ECT2: variants seen among roughly 807,000 people sequenced by gnomAD.
ECT2 encodes the protein epithelial cell transforming 2.
In ECT2, 61 loss-of-function variants were observed where a neutral mutation model predicts 116.9. The observed-to-expected ratio is 0.52, with a 90% CI of 0.42 to 0.65. The LOEUF (loss-of-function observed/expected upper bound fraction) is 0.65, where lower values mean the gene tolerates loss of function less well. Ranked by LOEUF, ECT2 falls within the 30% of genes least tolerant of loss-of-function variation. The probability of loss-of-function intolerance (pLI) is 0.00; values close to 1 mark genes in which losing one functional copy is unlikely to be tolerated. For missense variants in ECT2, 937 were observed against 1,078.7 expected (o/e 0.87, Z 1.84); for synonymous variants, 358 against 346.4 (o/e 1.03, Z -0.37).
intron 18 of ECT2, among the ~76,000 whole-genome samples, chr3:172,788,032 A>G (rs774913870): frequency 3.6e-4 from 55 of 152,186 alleles, no homozygotes; most frequent in Non-Finnish European, 1.2e-4. Context: ...CCCTACCCTA[A>G]GTGCCTTTCT....
At chr3:172,816,392 G>A (rs375106812) in intron 23 of ECT2, among the ~76,000 whole-genome samples, 1 of 152,020 alleles carries the variant, frequency 6.6e-6, no homozygotes, top group African/African-American at 2.4e-5. Context: ...GGAGGTTGAG[G>A]GGATTTTTGG....
chr3:172,827,706 T>C, the ECT2 span, among the ~76,000 whole-genome samples: 1 of 152,192 alleles, frequency 6.6e-6, no homozygotes, highest in Admixed American at 6.5e-5. Flanking sequence ...AAAGATGTAT[T>C]GTTCAGCAGC....
chr3:172,820,064 A>G, intron 24 of ECT2, 84 bp from the exon 25 acceptor site: 1 of 911,178 alleles, frequency 1.1e-6, no homozygotes, highest in South Asian at 2.2e-5. Flanking sequence ...AAAATGTAAA[A>G]ATAATAGGCA....
At chr3:172,829,074 T>C in the ECT2 span, 5 of 706,038 alleles carry the variant, frequency 7.1e-6, no homozygotes, top group Non-Finnish European at 1.3e-5. Flanking sequence ...ATGAACTCTC[T>C]GGGCTATTCA....
chr3:172,759,972 G>T (rs1014930195), intron 6 of ECT2, among the ~76,000 whole-genome samples, 184 bp from the exon 7 acceptor site: 1 of 152,168 alleles, frequency 6.6e-6, no homozygotes, highest in African/African-American at 2.4e-5. Context: ...AATTTTGCCT[G>T]TGTTAATAGG....
downstream of ECT2, among the ~76,000 whole-genome samples, chr3:172,825,964 G>A (rs1232978486): frequency 6.6e-6 from 1 of 152,210 alleles, no homozygotes; most frequent in Non-Finnish European, 1.5e-5. Flanking sequence ...CGCGATCTCG[G>A]CTCACTGCAA....
intron 8 of ECT2, 78 bp from the exon 9 acceptor site, chr3:172,762,338 C>T: frequency 7.1e-7 from 1 of 1,404,494 alleles, no homozygotes; most frequent in Non-Finnish European, 9.7e-7. Flanking sequence ...TTGAAAATTA[C>T]TGTAGGTTTG....
intron 8 of ECT2, 57 bp downstream of exon 8, chr3:172,761,740 A>G (rs1216477296): frequency 5.5e-6 from 7 of 1,263,748 alleles, no homozygotes; most frequent in Non-Finnish European, 7.9e-6. Flanking sequence ...TGGTTTAAAG[A>G]TAAATCCATG....
At chr3:172,754,129 TG>T (rs1716474861) in intron 1 of ECT2, among the ~76,000 whole-genome samples, 1 of 152,084 alleles carries the variant, frequency 6.6e-6, no homozygotes, top group Non-Finnish European at 1.5e-5. Flanking sequence ...CTCAGATTTT[TG>T]GCTAGGATTT....
At chr3:172,766,423 T>C (rs1242794849) in intron 12 of ECT2, among the ~76,000 whole-genome samples, 2 of 152,216 alleles carry the variant, frequency 1.3e-5, no homozygotes, top group Non-Finnish European at 2.9e-5. Flanking sequence ...ATTGATTGAA[T>C]AGATAATTCA....
In ECT2 at chr3:172,784,761, C is replaced by T. The variant is rs141355749; in HGVS notation, c.1783C>T (p.Arg595Ter). The T allele has an allele frequency of 5.6e-6, 9 of 1,613,156 alleles. No individual in the cohort carries two copies. Among genetic ancestry groups the T allele is most frequent in the Non-Finnish European group, 7.6e-6 (9 of 1,179,358 alleles). ...GRQSLVELLI[R>*]PVQRLPSVAL... is the part of the protein sequence containing the mutation. ...GCAGAGCCTTGTTGAACTTCTTATC[C>T]GACCAGTACAGAGGTTACCCAGTGT... Residue 595 changes from arginine (R) to a stop codon, truncating the protein, a stop_gained, in exon 17 of 25, where the codon CGA (arginine) becomes TGA (stop). Coordinates refer to ENST00000392692, the MANE Select transcript of ECT2 (RefSeq NM_001258315.2). LOFTEE classifies it high-confidence loss of function.
intron 18 of ECT2, among the ~76,000 whole-genome samples, chr3:172,801,037 A>G (rs369000651): frequency 1.3e-5 from 2 of 152,310 alleles, no homozygotes; most frequent in African/African-American, 4.8e-5. Flanking sequence ...AAAATGTTCA[A>G]TCTTTCTTGC....
chr3:172,792,451 C>CTT (rs34510739), intron 18 of ECT2, among the ~76,000 whole-genome samples: 64,165 of 143,176 alleles, frequency 0.45, 16,420 homozygotes, highest in East Asian at 0.68. Flanking sequence ...TTTTATCTGG[C>CTT]TTTTTTTTTT....
chr3:172,769,372 CAG>C (rs754540080), intron 13 of ECT2, among the ~76,000 whole-genome samples: 2 of 152,086 alleles, frequency 1.3e-5, no homozygotes, highest in Non-Finnish European at 2.9e-5. Context: ...TTAAAGAGAA[CAG>C]AACTCAGTAG....
At chr3:172,794,088 G>T (rs920519203) in intron 18 of ECT2, among the ~76,000 whole-genome samples, 8 of 151,862 alleles carry the variant, frequency 5.3e-5, no homozygotes. Flanking sequence ...AAAAATAAGA[G>T]TTCTAGATTT....
chr3:172,815,893 A>T (rs750909209), intron 23 of ECT2, among the ~76,000 whole-genome samples, 182 bp downstream of exon 23: 5 of 152,200 alleles, frequency 3.3e-5, no homozygotes, highest in Non-Finnish European at 7.3e-5. Context: ...CACAGTAACT[A>T]TAACTTGTTA....
chr3:172,807,764 C>T lies in ECT2; in HGVS notation c.2246-6C>T. The T allele has an allele frequency of 1.2e-6, 2 of 1,609,034 alleles. No homozygotes were observed. Among genetic ancestry groups the T allele is most frequent in the South Asian group, 1.1e-5 (1 of 90,498 alleles). On this transcript the variant is annotated splice_region_variant and splice_polypyrimidine_tract_variant and intron_variant, in intron 21 of 24. Coordinates refer to ENST00000392692, the MANE Select transcript of ECT2 (RefSeq NM_001258315.2). ...CTTAATGTTTATGGTTATTCTGGAA[C>T]CCTAGATTGCCATAATGCTTTTGCC...
intron 18 of ECT2, among the ~76,000 whole-genome samples, chr3:172,796,886 T>G (rs1447715981): frequency 2.6e-5 from 4 of 152,162 alleles, no homozygotes; most frequent in Non-Finnish European, 5.9e-5. Context: ...CTTGAACTCT[T>G]GGCCTCAAGT....
intron 18 of ECT2, among the ~76,000 whole-genome samples, chr3:172,791,766 T>C (rs757522409): frequency 7.9e-5 from 12 of 152,222 alleles, no homozygotes; most frequent in Admixed American, 2.0e-4. Context: ...GTTGTTTTAC[T>C]TATTATTCAT....
Sources: allele counts gnomAD v4.1 joint callset (sites outside exome capture counted in the v4.1 genomes callset), GRCh38; gene constraint gnomAD v4.1.1; transcripts MANE v1.5; gene names NCBI Gene and HGNC (gene_info 2026-07-23, HGNC 2026-07-21).